Variants in EXD3 observed in about 807,000 individuals in gnomAD.
The protein encoded by EXD3 is exonuclease mut-7 homolog.
In EXD3, 92 loss-of-function variants were observed where a neutral mutation model predicts 98.0. The ratio of observed to expected loss-of-function variants is 0.94; its 90% CI spans 0.79 to 1.12. The LOEUF is 1.12. EXD3 is among the 50% of genes most tolerant of loss of function. The pLI, the probability that EXD3 is intolerant of heterozygous loss-of-function variation, is 0.00. For missense variants in EXD3, 1,222 were observed against 1,191.6 expected (o/e 1.03, Z -0.38); for synonymous variants, 569 against 526.0 (o/e 1.08, Z -1.12).
rs1837187743 is a variant in EXD3, at chr9:137,395,739, C to T, written c.-47-335G>A. ...TGTTCTTGAGGACAGCGTGACCCCC[C>T]TTGCCATGTCCCCCTCAGGCTGTGT... is the stretch of plus-strand genomic sequence containing the variant. On this transcript the variant is annotated intron_variant, in intron 1 of 21. Transcript: ENST00000340951. The surrounding 1 kb of genome is among the most constrained non-coding windows in gnomAD (Gnocchi z 6.5). Among the ~76,000 whole-genome samples the T allele has an allele frequency of 6.6e-6, 1 of 152,242 alleles. No individual in the cohort carries two copies. Among genetic ancestry groups the T allele is most frequent in the Non-Finnish European group, 1.5e-5 (1 of 67,990 alleles).
chr9:137,415,639 G>A (rs1838201974), intron 1 of EXD3, among the ~76,000 whole-genome samples: 1 of 152,202 alleles, frequency 6.6e-6, no homozygotes, highest in African/African-American at 2.4e-5. Flanking sequence ...CGGGTCAGGT[G>A]GCCCATGGGC....
rs762905785 is a variant in EXD3, at chr9:137,307,058, G to C, written c.2523C>G (p.Asp841Glu). ...TGGCAACACGACCCAGGTGGGAGCC[G>C]TCCCAGAAGACCTTTCCACAGCCCG... ...CCTGCGKVFW[D>E]GSHLGRVATH... is the part of the protein sequence containing the mutation. The change falls in exon 22 of 22, where the codon GAC becomes GAG. Residue 841 changes from aspartate (D) to glutamate (E), a missense_variant. Coordinates refer to ENST00000340951, the MANE Select transcript of EXD3 (RefSeq NM_017820.5). 10 of 1,611,916 alleles carry C rather than the reference G, an allele frequency of 6.2e-6. No individual in the cohort carries two copies. In the African/African-American group the frequency reaches 1.3e-4, roughly 22 times the overall value.
Position 137,307,588 on chromosome 9 carries a change from TG to T in EXD3, c.2317+19del, listed in dbSNP as rs766676369. 4 of 1,608,936 alleles carry T rather than the reference TG, an allele frequency of 2.5e-6. No individual in the cohort carries two copies. In the South Asian group the frequency reaches 3.3e-5, roughly 13 times the overall value. On this transcript the variant is annotated intron_variant, in intron 21 of 21. Transcript: ENST00000340951. ...CGCAGAGAAGCAGCTGTGTCCTTGG[TG>T]GGCGGTCCCGGGGCTCACCTGGCTC...
At chr9:137,368,746 A>G (rs531093887) in intron 5 of EXD3, among the ~76,000 whole-genome samples, 106 of 152,128 alleles carry the variant, frequency 7.0e-4, no homozygotes, top group African/African-American at 2.5e-3. Flanking sequence ...GTGGGGGCGC[A>G]GGGCCGGGGG....
chr9:137,334,090 C>T (rs1298069552), intron 17 of EXD3, among the ~76,000 whole-genome samples: 1 of 152,092 alleles, frequency 6.6e-6, no homozygotes, highest in Non-Finnish European at 1.5e-5. Context: ...CAATCTCTAC[C>T]TCCTGGGTTC....
intron 17 of EXD3, among the ~76,000 whole-genome samples, chr9:137,330,719 A>G (rs1296805462): frequency 2.0e-5 from 3 of 152,202 alleles, no homozygotes; most frequent in Non-Finnish European, 4.4e-5. Context: ...AAAGTTCTGT[A>G]GAGCTACAAG....
At chr9:137,387,937 C>CAGACAGGCAGGTCTAGGACGCTG (rs1836687355) in intron 2 of EXD3, among the ~76,000 whole-genome samples, 1 of 152,220 alleles carries the variant, frequency 6.6e-6, no homozygotes, top group Admixed American at 6.5e-5. Flanking sequence ...CTGGGACCTG[C>CAGACAGGCAGGTCTAGGACGCTG]AGACAGGCAG....
At chr9:137,332,645 C>T (rs1003438118) in intron 17 of EXD3, among the ~76,000 whole-genome samples, 2 of 151,748 alleles carry the variant, frequency 1.3e-5, no homozygotes, top group Admixed American at 6.6e-5. Flanking sequence ...AGATCGAGAC[C>T]ATCCTGGCTA....
chr9:137,356,368 T>A lies in EXD3; in HGVS notation c.657A>T (p.Arg219Ser). ...TCAAGGAGGTCACCTCAGGGTACCG[T>A]CTGTGGGGAGAGAGAGGCACAGCCT... ...QPGFDIKDVA[R>S]RYPEVTSLSL... is the part of the protein sequence containing the mutation. Residue 219 changes from arginine to serine, a missense_variant and splice_region_variant, in exon 8 of 22, where the codon AGA (arginine) becomes AGT (serine). Coordinates refer to ENST00000340951, the MANE Select transcript of EXD3 (RefSeq NM_017820.5). 1.9e-6 allele frequency: 3 copies of A among 1,580,906 alleles called. No individual in the cohort carries two copies. Among genetic ancestry groups the A allele is most frequent in the Admixed American group, 1.8e-5 (1 of 56,298 alleles).
intron 7 of EXD3, among the ~76,000 whole-genome samples, chr9:137,361,837 G>A (rs1337939504): frequency 6.6e-6 from 1 of 151,226 alleles, no homozygotes; most frequent in Non-Finnish European, 1.5e-5. Context: ...AAATGACATA[G>A]ATCATAGAAT....
chr9:137,321,423 C>T (rs1391551616), intron 19 of EXD3, among the ~76,000 whole-genome samples: 1 of 152,236 alleles, frequency 6.6e-6, no homozygotes, highest in Non-Finnish European at 1.5e-5. Flanking sequence ...TTACTCACGC[C>T]TGTCATCCCA....
At chr9:137,327,582 G>T (rs1259031234) in intron 17 of EXD3, among the ~76,000 whole-genome samples, 6 of 151,436 alleles carry the variant, frequency 4.0e-5, no homozygotes, top group Non-Finnish European at 8.8e-5. Flanking sequence ...ACCACAAAAA[G>T]AAAGAAAAAA....
At chr9:137,366,300 C>A (rs764993921) in intron 7 of EXD3, 193 bp downstream of exon 7, 1 of 776,068 alleles carries the variant, frequency 1.3e-6, no homozygotes, top group South Asian at 1.4e-5. Context: ...GAGGGCTGTG[C>A]TCCTGCCAGC....
At chr9:137,327,384 C>T (rs1039736691) in intron 17 of EXD3, among the ~76,000 whole-genome samples, 23 of 152,070 alleles carry the variant, frequency 1.5e-4, no homozygotes, top group South Asian at 4.2e-4. Flanking sequence ...CCGCCCGCGT[C>T]GGCCTCCCAA....
chr9:137,369,219 G>A (rs565110668), intron 5 of EXD3, among the ~76,000 whole-genome samples: 4 of 151,820 alleles, frequency 2.6e-5, no homozygotes, highest in African/African-American at 9.7e-5. Flanking sequence ...GGGGAGGGGC[G>A]CAGGGCCTGG....
intron 19 of EXD3, among the ~76,000 whole-genome samples, chr9:137,316,918 G>C (rs1267165774): frequency 6.6e-6 from 1 of 152,182 alleles, no homozygotes; most frequent in South Asian, 2.1e-4. Context: ...CTCTATGTGG[G>C]AGGGGCACGT....
chr9:137,408,002 G>C (rs1050725773), intron 1 of EXD3, among the ~76,000 whole-genome samples: 1 of 151,994 alleles, frequency 6.6e-6, no homozygotes, highest in African/African-American at 2.4e-5. Context: ...CATGCCTCTG[G>C]GGATCTCCCA....
At chr9:137,414,565 TA>T (rs1838150276) in intron 1 of EXD3, among the ~76,000 whole-genome samples, 1 of 152,180 alleles carries the variant, frequency 6.6e-6, no homozygotes, top group African/African-American at 2.4e-5. Flanking sequence ...CATTTTACGC[TA>T]GCATCGATAA....
chr9:137,326,617 A>G (rs902363995), intron 17 of EXD3, among the ~76,000 whole-genome samples: 33 of 152,334 alleles, frequency 2.2e-4, no homozygotes, highest in Admixed American at 1.6e-3. Context: ...GATGCTCTAC[A>G]TTATTCGTCA....
Sources: allele counts gnomAD v4.1 joint callset (sites outside exome capture counted in the v4.1 genomes callset), GRCh38; gene constraint gnomAD v4.1.1; non-coding constraint Gnocchi (gnomAD v3.1); transcripts MANE v1.5; gene names NCBI Gene and HGNC (gene_info 2026-07-23, HGNC 2026-07-21).